PANK3: variants seen among roughly 807,000 people sequenced by gnomAD.
PANK3 encodes the protein pantothenate kinase 3.
In PANK3, 20 loss-of-function variants were observed where a neutral mutation model predicts 39.4. The observed-to-expected ratio is 0.51, with a 90% CI of 0.36 to 0.74. The LOEUF (loss-of-function observed/expected upper bound fraction) is 0.74. Ranked by LOEUF, PANK3 falls within the 30% of genes least tolerant of loss-of-function variation. The probability of loss-of-function intolerance (pLI) is 0.00; values close to 1 mark genes in which losing one functional copy is unlikely to be tolerated. For synonymous variants in PANK3, 140 were observed against 157.3 expected (o/e 0.89, Z 0.82); for missense variants, 265 against 437.0 (o/e 0.61, Z 3.51).
chr5:168,560,736 C>T (rs193287862), intron 5 of PANK3, among the ~76,000 whole-genome samples: 181 of 152,190 alleles, frequency 1.2e-3, no homozygotes, highest in African/African-American at 4.0e-3. Context: ...AAAAATTAAA[C>T]GGGCAAATAT....
Position 168,549,740 on chromosome 5 carries a change from T to C in PANK3, c.*7831A>G, listed in dbSNP as rs546700448. ...TACCTGAAATCCCAGTATCAGCTCA[T>C]AGTACATTCATTCGTTCATTCATTC... On this transcript the variant is annotated 3_prime_UTR_variant, in exon 7 of 7. Transcript: ENST00000239231. 2.0e-5 allele frequency: 3 copies of C among 152,184 alleles called. No individual in the cohort carries two copies. The highest frequency in any genetic ancestry group is 6.5e-5 in the Admixed American group (1 of 15,276). 9.4% of individuals were successfully genotyped at this position (152,184 alleles called of 1,614,324 possible).
intron 2 of PANK3, 139 bp from the exon 3 acceptor site, chr5:168,566,405 T>G: frequency 2.1e-6 from 2 of 965,436 alleles, no homozygotes; most frequent in African/African-American, 1.6e-5. Flanking sequence ...TCAGAATCTC[T>G]TTCGGGATTT....
chr5:168,569,118 G>A, intron 1 of PANK3, 120 bp from the exon 2 acceptor site: 1 of 249,156 alleles, frequency 4.0e-6, no homozygotes, highest in South Asian at 1.7e-4. Flanking sequence ...CATGCATTCA[G>A]GCAATAATAT....
intron 1 of PANK3, chr5:168,578,725 T>C (rs867524960): frequency 4.6e-5 from 7 of 152,426 alleles, no homozygotes; most frequent in African/African-American, 1.4e-4. Context: ...AAACATGAAC[T>C]AGTTGATATT....
At chr5:168,573,416 C>CAAAAAAAAA (rs574960925) in intron 1 of PANK3, among the ~76,000 whole-genome samples, 356 of 16,966 alleles carry the variant, frequency 0.021, 55 homozygotes, top group African/African-American at 0.035. Context: ...CTCAGCAAGG[C>CAAAAAAAAA]AAAAAAAAAA....
Position 168,574,524 on chromosome 5 carries a change from G to A in PANK3, c.28+4732C>T, listed in dbSNP as rs545206331. The stretch of plus-strand genomic sequence containing the variant: ...ATATGAGTAAATATACAGACATTAA[G>A]TACAACCACAGGTCCACCTAATAGT... On this transcript the variant is annotated intron_variant, in intron 1 of 6. Coordinates refer to ENST00000239231, the MANE Select transcript of PANK3 (RefSeq NM_024594.4). Among the ~76,000 whole-genome samples the A allele has an allele frequency of 2.1e-3, 324 of 152,228 alleles. 4 individuals are homozygous for A. The highest frequency in any genetic ancestry group is 2.9e-3 in the Non-Finnish European group (198 of 68,014).
intron 1 of PANK3, among the ~76,000 whole-genome samples, chr5:168,570,648 A>G (rs1759614592): frequency 6.6e-6 from 1 of 152,218 alleles, no homozygotes; most frequent in Non-Finnish European, 1.5e-5. Flanking sequence ...CCAAAGGTGA[A>G]GAGGCATACG....
At chr5:168,569,468 A>T (rs959784750) in intron 1 of PANK3, among the ~76,000 whole-genome samples, 1 of 151,770 alleles carries the variant, frequency 6.6e-6, no homozygotes, top group Admixed American at 6.6e-5. Flanking sequence ...CTGGGATTGC[A>T]GGCGTGAGCC....
chr5:168,566,947 T>C (rs113792881), intron 2 of PANK3, among the ~76,000 whole-genome samples: 3 of 152,232 alleles, frequency 2.0e-5, no homozygotes, highest in Non-Finnish European at 4.4e-5. Context: ...TTCACCATCA[T>C]TGGTCAGGCT....
At chr5:168,560,346 C>T (rs1013823155) in intron 5 of PANK3, among the ~76,000 whole-genome samples, 1 of 152,178 alleles carries the variant, frequency 6.6e-6, no homozygotes, top group African/African-American at 2.4e-5. Flanking sequence ...TTCCCCCTCA[C>T]CTCCTTCAAA....
At chr5:168,574,369 G>C (rs957292136) in intron 1 of PANK3, among the ~76,000 whole-genome samples, 4 of 151,940 alleles carry the variant, frequency 2.6e-5, no homozygotes, top group African/African-American at 9.7e-5. Context: ...GGGGTTGTTT[G>C]TTTTTTTAGT....
At chr5:168,565,928 G>A in intron 3 of PANK3, 85 bp downstream of exon 3, 1 of 1,164,198 alleles carries the variant, frequency 8.6e-7, no homozygotes, top group Non-Finnish European at 1.2e-6. Context: ...TCTTTTACTG[G>A]TGAAAATGAC....
intron 2 of PANK3, among the ~76,000 whole-genome samples, chr5:168,568,138 C>A (rs1187666019): frequency 6.6e-6 from 1 of 151,976 alleles, no homozygotes; most frequent in Non-Finnish European, 1.5e-5. Context: ...CCATTTGACA[C>A]AGGAACATGG....
intron 1 of PANK3, among the ~76,000 whole-genome samples, chr5:168,572,613 T>G (rs1759659157): frequency 6.6e-6 from 1 of 152,088 alleles, no homozygotes; most frequent in African/African-American, 2.4e-5. Flanking sequence ...GAGAAACAAA[T>G]CACAATGGTG....
rs555759786 is a variant in PANK3, at chr5:168,577,479, G to A, written c.28+1777C>T. ...TAAGTCTTTGGCTGGGACTACAGGCGTGTGCCACCATGCCCGGCTAATCTT... is the reference window on the plus strand; with the variant it reads ...TAAGTCTTTGGCTGGGACTACAGGCATGTGCCACCATGCCCGGCTAATCTT... On this transcript the variant is annotated intron_variant, in intron 1 of 6. Coordinates refer to ENST00000239231, the MANE Select transcript of PANK3 (RefSeq NM_024594.4). Among the ~76,000 whole-genome samples, 21 of 152,170 alleles carry A rather than the reference G, an allele frequency of 1.4e-4. No homozygotes were observed. The East Asian group carries it at 2.3e-3, about 17-fold the overall frequency.
At position 168,569,005 on chromosome 5, in the gene PANK3, GA is replaced by G; in HGVS notation, c.29-8del. On this transcript the variant is annotated splice_polypyrimidine_tract_variant and splice_region_variant and intron_variant, in intron 1 of 6. Coordinates refer to ENST00000239231, the MANE Select transcript of PANK3 (RefSeq NM_024594.4). Reference sequence around the variant, plus strand: ...ATGCCAAACCATGGGAAAGCTATGGGAGGAAAAAAAAAAAAAAAAAAAAAAA... The same window carrying G: ...ATGCCAAACCATGGGAAAGCTATGGGGGAAAAAAAAAAAAAAAAAAAAAAA... The G allele has an allele frequency of 1.4e-5, 6 of 430,868 alleles. No individual in the cohort carries two copies. The highest frequency in any genetic ancestry group is 1.6e-5 in the Non-Finnish European group (5 of 317,736). The allele number at this position is 430,868 out of a possible 1,614,324, so 26.7% of individuals were successfully genotyped here.
At chr5:168,578,832 C>T (rs1379278608) in intron 1 of PANK3, 1 of 164,650 alleles carries the variant, frequency 6.1e-6, no homozygotes. Context: ...CTCCCAGGAA[C>T]CCACCGGCAT....
At chr5:168,562,101 C>T (rs1759457254) in intron 4 of PANK3, among the ~76,000 whole-genome samples, 1 of 152,152 alleles carries the variant, frequency 6.6e-6, no homozygotes, top group South Asian at 2.1e-4. Flanking sequence ...ACATGTGGCA[C>T]TCATAAGCCA....
At chr5:168,568,617 A>T (rs1163515363) in intron 2 of PANK3, 29 bp downstream of exon 2, 2 of 1,481,784 alleles carry the variant, frequency 1.3e-6, no homozygotes, top group African/African-American at 2.8e-5. Flanking sequence ...ACAGGTATCA[A>T]TTTTCAGTTT....
Sources: allele counts gnomAD v4.1 joint callset (sites outside exome capture counted in the v4.1 genomes callset), GRCh38; gene constraint gnomAD v4.1.1; transcripts MANE v1.5; gene names NCBI Gene and HGNC (gene_info 2026-07-23, HGNC 2026-07-21).